Variants in ACOXL observed in about 807,000 individuals in gnomAD.
ACOXL encodes the protein acyl-coenzyme A oxidase-like protein.
Under a neutral mutation model 71.9 loss-of-function variants are expected in ACOXL, and 70 were observed. The ratio of observed to expected loss-of-function variants is 0.97; its 90% CI spans 0.80 to 1.19. The LOEUF is 1.19. Among genes scored for constraint, ACOXL ranks in the 50% most tolerant of loss-of-function variants. The pLI, the probability that ACOXL is intolerant of heterozygous loss-of-function variation, is 0.00. For synonymous variants in ACOXL, 253 were observed against 281.6 expected, an observed-to-expected ratio of 0.90 and a Z score of 1.02; for missense variants, 703 against 736.3, an observed-to-expected ratio of 0.95 and a Z score of 0.52.
intron 11 of ACOXL, among the ~76,000 whole-genome samples, chr2:110,925,395 G>A (rs897866971): frequency 6.6e-6 from 1 of 152,248 alleles, no homozygotes; most frequent in African/African-American, 2.4e-5. Flanking sequence ...TGTAATCACT[G>A]ATTTTAGCTA....
At position 110,794,636 on chromosome 2, in the gene ACOXL, C is replaced by G. The variant is rs144580654; in HGVS notation, c.345+462C>G. Among the ~76,000 whole-genome samples the G allele has an allele frequency of 3.9e-5, 6 of 152,276 alleles. No homozygotes were observed. The East Asian group carries it at 1.2e-3, about 29-fold the overall frequency. ...TCTGTACTGGGATCATGTGCTGTCC[C>G]TTACCGTGACCTGCACTGACATTTT... On this transcript the variant is annotated intron_variant, in intron 5 of 17. Transcript: ENST00000439055.
At chr2:110,966,933 T>C (rs1368165711) in intron 12 of ACOXL, among the ~76,000 whole-genome samples, 56 of 152,318 alleles carry the variant, frequency 3.7e-4, no homozygotes, top group Non-Finnish European at 2.9e-5. Context: ...CATCAGGACC[T>C]TTTGCTACCC....
chr2:110,969,781 A>C (rs2062098867), intron 12 of ACOXL, among the ~76,000 whole-genome samples: 1 of 151,678 alleles, frequency 6.6e-6, no homozygotes, highest in African/African-American at 2.4e-5. Flanking sequence ...ACTGCATTCC[A>C]GCCTGGGCGA....
chr2:110,851,948 G>A (rs968075547), intron 10 of ACOXL, among the ~76,000 whole-genome samples: 1 of 152,224 alleles, frequency 6.6e-6, no homozygotes, highest in African/African-American at 2.4e-5. Flanking sequence ...GTTGAATGTC[G>A]CTGAGTGCAG....
intron 2 of ACOXL, among the ~76,000 whole-genome samples, chr2:110,780,821 A>T (rs938018339): frequency 1.3e-5 from 2 of 151,668 alleles, no homozygotes; most frequent in East Asian, 1.9e-4. Flanking sequence ...ATTGCTTGAG[A>T]CTAGGAGTTT....
intron 11 of ACOXL, among the ~76,000 whole-genome samples, chr2:110,925,104 A>G (rs952331406): frequency 2.0e-5 from 3 of 152,222 alleles, no homozygotes; most frequent in Non-Finnish European, 4.4e-5. Context: ...CAGGCTTAAA[A>G]TATTCAGTAA....
chr2:110,785,535 C>T (rs1414746668), intron 3 of ACOXL, among the ~76,000 whole-genome samples: 1 of 152,028 alleles, frequency 6.6e-6, no homozygotes, highest in East Asian at 1.9e-4. Context: ...CCACCCCTGT[C>T]CTTTGGCAAG....
At chr2:110,840,423 T>C (rs1361970553) in intron 9 of ACOXL, among the ~76,000 whole-genome samples, 2 of 152,198 alleles carry the variant, frequency 1.3e-5, no homozygotes, top group Non-Finnish European at 2.9e-5. Context: ...TATCACACAA[T>C]AGGCACACGC....
chr2:110,963,713 G>A lies in ACOXL; in HGVS notation c.1060-23395G>A, dbSNP rs771905217. 5.6e-6 allele frequency: 9 copies of A among 1,613,606 alleles called. No homozygotes were observed. The African/African-American group carries it at 1.1e-4, about 19-fold the overall frequency. On this transcript the variant is annotated intron_variant, in intron 12 of 17. Coordinates refer to ENST00000439055, the MANE Select transcript of ACOXL (RefSeq NM_001142807.4). ...AAGGTGACGATGTTGTTATGCTTCA[G>A]GTAAGATTCGGGAAATGTTTTCAAG... is the stretch of plus-strand genomic sequence containing the variant.
chr2:110,894,588 A>T (rs2058930308), intron 10 of ACOXL, among the ~76,000 whole-genome samples: 1 of 152,164 alleles, frequency 6.6e-6, no homozygotes, highest in South Asian at 2.1e-4. Context: ...GGGATCTGGG[A>T]CTGGTATCCC....
At chr2:110,901,296 G>A (rs2149202297) in intron 10 of ACOXL, among the ~76,000 whole-genome samples, 1 of 152,332 alleles carries the variant, frequency 6.6e-6, no homozygotes, top group Middle Eastern at 3.4e-3. Context: ...TAGTGTCTGT[G>A]TTTGCAGGTT....
chr2:110,922,077 T>C (rs1471557180), intron 11 of ACOXL, among the ~76,000 whole-genome samples: 1 of 152,214 alleles, frequency 6.6e-6, no homozygotes, highest in Non-Finnish European at 1.5e-5. Flanking sequence ...AGATCATATA[T>C]ATCATTATTG....
chr2:110,765,066 T>C (rs1253420234), intron 1 of ACOXL, among the ~76,000 whole-genome samples: 1 of 152,224 alleles, frequency 6.6e-6, no homozygotes, highest in Non-Finnish European at 1.5e-5. Flanking sequence ...GATTTGCCAT[T>C]GACAGTTATT....
chr2:110,883,871 T>G (rs769560876), intron 10 of ACOXL, among the ~76,000 whole-genome samples: 4 of 152,246 alleles, frequency 2.6e-5, no homozygotes, highest in Non-Finnish European at 4.4e-5. Context: ...AGTATGTATA[T>G]TAAAGAATTG....
intron 12 of ACOXL, among the ~76,000 whole-genome samples, chr2:110,965,232 G>A (rs1320127554): frequency 6.6e-6 from 1 of 152,074 alleles, no homozygotes; most frequent in Non-Finnish European, 1.5e-5. Flanking sequence ...TGTGTGATGG[G>A]TATTTAGGTT....
chr2:110,856,311 G>T (rs1319105931), intron 10 of ACOXL, among the ~76,000 whole-genome samples: 1 of 152,064 alleles, frequency 6.6e-6, no homozygotes, highest in Non-Finnish European at 1.5e-5. Flanking sequence ...TCCTCCCCTT[G>T]TCCAGGTTAC....
At chr2:110,798,583 C>T (rs754601091) in intron 5 of ACOXL, 27 bp from the exon 6 acceptor site, 1 of 1,579,352 alleles carries the variant, frequency 6.3e-7, no homozygotes, top group Admixed American at 1.7e-5. Flanking sequence ...GGAAGGGAAA[C>T]ACTGTTGCTC....
intron 2 of ACOXL, among the ~76,000 whole-genome samples, chr2:110,773,904 A>G (rs925241470): frequency 6.6e-6 from 1 of 152,180 alleles, no homozygotes; most frequent in African/African-American, 2.4e-5. Context: ...ACCTGAATGC[A>G]GTTGTCATCT....
chr2:110,793,187 G>A (rs1328259251), intron 3 of ACOXL, among the ~76,000 whole-genome samples: 2 of 152,330 alleles, frequency 1.3e-5, no homozygotes, highest in Non-Finnish European at 2.9e-5. Flanking sequence ...CTCATCCCAA[G>A]CTGCATGCTT....
Sources: allele counts gnomAD v4.1 joint callset (sites outside exome capture counted in the v4.1 genomes callset), GRCh38; gene constraint gnomAD v4.1.1; transcripts MANE v1.5; gene names NCBI Gene and HGNC (gene_info 2026-07-23, HGNC 2026-07-21).